Variants in MEGF11 observed in about 807,000 individuals in gnomAD.
MEGF11 encodes multiple epidermal growth factor-like domains protein 11.
In MEGF11, 126 loss-of-function variants were observed where a neutral mutation model predicts 146.6. The ratio of observed to expected loss-of-function variants is 0.86; its 90% confidence interval spans 0.74 to 1.00. The LOEUF (loss-of-function observed/expected upper bound fraction) is 1.00. Ranked by LOEUF, MEGF11 falls within the 50% of genes least tolerant of loss-of-function variation. MEGF11 has a pLI of 0.00. For synonymous variants in MEGF11, 532 were observed against 583.4 expected (o/e 0.91, Z 1.27); for missense variants, 1,509 against 1,521.2 (o/e 0.99, Z 0.13).
At chr15:66,100,284 C>A (rs533565912) in intron 4 of MEGF11, among the ~76,000 whole-genome samples, 6 of 152,240 alleles carry the variant, frequency 3.9e-5, no homozygotes, top group African/African-American at 1.4e-4. Context: ...GTCTTCTGGG[C>A]GGTGAATCCT....
At chr15:66,113,742 G>A (rs1461074629) in intron 4 of MEGF11, among the ~76,000 whole-genome samples, 1 of 152,148 alleles carries the variant, frequency 6.6e-6, no homozygotes. Flanking sequence ...TTAGCCAGGT[G>A]CGGTGTCGGG....
chr15:66,155,274 G>C (rs2089716549), intron 1 of MEGF11, among the ~76,000 whole-genome samples: 1 of 152,228 alleles, frequency 6.6e-6, no homozygotes, highest in Non-Finnish European at 1.5e-5. Context: ...CCCCGCTATG[G>C]GGTAAGGGCT....
At chr15:66,057,997 A>G (rs1272347790) in intron 5 of MEGF11, among the ~76,000 whole-genome samples, 1 of 152,254 alleles carries the variant, frequency 6.6e-6, no homozygotes, top group African/African-American at 2.4e-5. Flanking sequence ...AAGAATTTAG[A>G]AATGACATGG....
intron 10 of MEGF11, among the ~76,000 whole-genome samples, chr15:65,944,613 C>G (rs1300944182): frequency 6.6e-6 from 1 of 152,090 alleles, no homozygotes; most frequent in Non-Finnish European, 1.5e-5. Flanking sequence ...AAGAGGGCCC[C>G]CTAGAGCAGG....
intron 5 of MEGF11, among the ~76,000 whole-genome samples, chr15:66,065,445 T>C (rs1311547500): frequency 6.6e-6 from 1 of 152,212 alleles, no homozygotes; most frequent in Non-Finnish European, 1.5e-5. Flanking sequence ...TTGCTCTGCA[T>C]GTCTGGATCT....
At chr15:66,093,791 C>T (rs1358489393) in intron 5 of MEGF11, among the ~76,000 whole-genome samples, 1 of 152,182 alleles carries the variant, frequency 6.6e-6, no homozygotes, top group African/African-American at 2.4e-5. Flanking sequence ...ATGCACCATG[C>T]CACTGTGGGT....
At chr15:66,045,086 C>T (rs1288128347) in intron 5 of MEGF11, among the ~76,000 whole-genome samples, 2 of 152,162 alleles carry the variant, frequency 1.3e-5, no homozygotes, top group Non-Finnish European at 2.9e-5. Context: ...TCCCCCAAAT[C>T]TAAAAGCCTT....
chr15:66,104,336 G>A (rs919870089), intron 4 of MEGF11, among the ~76,000 whole-genome samples: 2 of 152,224 alleles, frequency 1.3e-5, no homozygotes, highest in Non-Finnish European at 2.9e-5. Context: ...GTGACAGCCT[G>A]TTTGGGGATG....
chr15:66,051,354 T>C (rs1454534773), intron 5 of MEGF11, among the ~76,000 whole-genome samples: 1 of 151,930 alleles, frequency 6.6e-6, no homozygotes, highest in Non-Finnish European at 1.5e-5. Context: ...CCATTCAGAC[T>C]AAAGAGGCTG....
At chr15:65,910,711 T>C (rs2078774915) in intron 21 of MEGF11, among the ~76,000 whole-genome samples, 1 of 152,322 alleles carries the variant, frequency 6.6e-6, no homozygotes, top group East Asian at 1.9e-4. Flanking sequence ...ATATTACTAT[T>C]GCTGGACCAG....
intron 4 of MEGF11, among the ~76,000 whole-genome samples, chr15:66,108,301 G>A (rs916058770): frequency 1.3e-5 from 2 of 152,208 alleles, no homozygotes; most frequent in African/African-American, 4.8e-5. Context: ...CAGGAATAGA[G>A]TGGATTGAAG....
intron 7 of MEGF11, among the ~76,000 whole-genome samples, chr15:65,972,007 T>C (rs769122418): frequency 6.6e-6 from 1 of 151,908 alleles, no homozygotes; most frequent in African/African-American, 2.4e-5. Context: ...ATCCAGAGAA[T>C]AGGAAAGAGG....
At chr15:66,015,365 C>T (rs1214346962) in intron 5 of MEGF11, among the ~76,000 whole-genome samples, 1 of 152,218 alleles carries the variant, frequency 6.6e-6, no homozygotes, top group African/African-American at 2.4e-5. Context: ...GATTCTGCCA[C>T]TTACTAACTG....
chr15:66,138,688 C>T (rs941010806), intron 1 of MEGF11, among the ~76,000 whole-genome samples: 1 of 152,184 alleles, frequency 6.6e-6, no homozygotes, highest in African/African-American at 2.4e-5. Context: ...TTACCAACTG[C>T]ATGGCCTAAG....
chr15:66,148,459 G>A (rs191806221), intron 1 of MEGF11, among the ~76,000 whole-genome samples: 14 of 152,334 alleles, frequency 9.2e-5, no homozygotes, highest in African/African-American at 3.4e-4. Context: ...CTGAGATGAG[G>A]AAAGAGGGAT....
chr15:65,916,396 A>G, intron 17 of MEGF11, 120 bp from the exon 18 acceptor site: 2 of 1,249,644 alleles, frequency 1.6e-6, no homozygotes, highest in Non-Finnish European at 2.2e-6. Flanking sequence ...GACTAGTGAG[A>G]CCCTGCACCA....
In MEGF11 at chr15:65,909,107, C is replaced by T. The variant is rs772742768; in HGVS notation, c.2925G>A (p.Glu975=). 7.8e-6 allele frequency: 12 copies of T among 1,535,608 alleles called. No homozygotes were observed. The South Asian group carries it at 1.2e-4, about 15-fold the overall frequency. ...AGAAGTCCTCGGGCGGGTACCTGGC[C>T]TCCAGGGCACTGATCTGGAAATGGG... is the stretch of plus-strand genomic sequence containing the variant. ...LDSHFQISAL[E]ARYPPEDFYI... Residue 975 remains glutamate, a synonymous_variant, in exon 23 of 26, where the codon GAG becomes GAA. Transcript: ENST00000395614.
chr15:65,954,673 G>A (rs747401057), intron 10 of MEGF11, among the ~76,000 whole-genome samples: 37 of 152,210 alleles, frequency 2.4e-4, no homozygotes, highest in Admixed American at 5.9e-4. Context: ...GCATGCACCT[G>A]TGCCCCAAAG....
At chr15:65,958,843 C>CAAAGA (rs2141504480) in intron 9 of MEGF11, among the ~76,000 whole-genome samples, 1 of 152,296 alleles carries the variant, frequency 6.6e-6, no homozygotes, top group African/African-American at 2.4e-5. Context: ...ACTAACACAC[C>CAAAGA]AAAGAAGTGC....
Sources: allele counts gnomAD v4.1 joint callset (sites outside exome capture counted in the v4.1 genomes callset), GRCh38; gene constraint gnomAD v4.1.1; transcripts MANE v1.5; gene names NCBI Gene and HGNC (gene_info 2026-07-23, HGNC 2026-07-21).